Variants in NIN observed in about 807,000 individuals in gnomAD.
The protein encoded by NIN is ninein.
Under a neutral mutation model 257.6 loss-of-function variants are expected in NIN, and 137 were observed. The ratio of observed to expected loss-of-function variants is 0.53; its 90% CI spans 0.46 to 0.61. The LOEUF (loss-of-function observed/expected upper bound fraction) is 0.61, where lower values mean the gene tolerates loss of function less well. Ranked by LOEUF, NIN falls within the 20% of genes least tolerant of loss-of-function variation. NIN has a pLI of 0.00. For missense variants in NIN, 2,439 were observed against 2,501.2 expected (o/e 0.98, Z 0.53); for synonymous variants, 918 against 919.8 (o/e 1.00, Z 0.04).
At chr14:50,808,235 T>C (rs1461580467) in intron 3 of NIN, among the ~76,000 whole-genome samples, 2 of 152,116 alleles carry the variant, frequency 1.3e-5, no homozygotes, top group African/African-American at 4.8e-5. Context: ...CAGCCAAACA[T>C]CCTGGGGGAG....
At chr14:50,726,389 T>C in intron 29 of NIN, 1 of 239,268 alleles carries the variant, frequency 4.2e-6, no homozygotes, top group Non-Finnish European at 8.2e-6. Context: ...CCAAGGTAAC[T>C]TGGAAGATCG....
At chr14:50,748,291 A>G (rs1204553004) in intron 21 of NIN, among the ~76,000 whole-genome samples, 186 bp from the exon 22 acceptor site, 24 of 152,040 alleles carry the variant, frequency 1.6e-4, no homozygotes, top group Admixed American at 1.6e-3. Context: ...CATGCTAAAA[A>G]CTCTCAATAA....
rs1341101007 is a variant in NIN, at chr14:50,792,728, G to A, written c.419C>T (p.Ala140Val). The change falls in exon 5 of 31, where the codon GCC (alanine) becomes GTC (valine). Residue 140 changes from alanine to valine, a missense_variant. Around this residue, in one of 3 missense-constraint regions of NIN, gnomAD observed 387 missense variants for 427.3 expected, o/e 0.91. Coordinates refer to ENST00000530997, the MANE Select transcript of NIN (RefSeq NM_020921.4). ...ATTCCTTACCTCACTGCAGTCACCG[G>A]CTGGGATGTGTGAAGGCCGCGCTTC... ...DEEARPSHIPAGDCSEHWKTQ... is the reference protein window; with the variant it reads ...DEEARPSHIPVGDCSEHWKTQ... The A allele has an allele frequency of 1.2e-6, 2 of 1,614,130 alleles. No homozygotes were observed. The highest frequency in any genetic ancestry group is 1.7e-6 in the Non-Finnish European group (2 of 1,180,024).
At chr14:50,826,505 G>C (rs2045464283) in intron 2 of NIN, among the ~76,000 whole-genome samples, 1 of 152,148 alleles carries the variant, frequency 6.6e-6, no homozygotes, top group South Asian at 2.1e-4. Context: ...CTCTGACAGT[G>C]GTGTTCATTA....
chr14:50,757,211 G>A lies in NIN; in HGVS notation c.3819C>T (p.Tyr1273=), dbSNP rs544307842. The change falls in exon 18 of 31, where the codon TAC becomes TAT. Residue 1273 remains tyrosine (Y), a synonymous_variant. Coordinates refer to ENST00000530997, the MANE Select transcript of NIN (RefSeq NM_020921.4). Reference sequence around the variant, plus strand: ...CTTTGTTATTTTCTAGTGCCTCATCGTAGCGTGTCTCCATCATTCTCAGCT... The same window carrying A: ...CTTTGTTATTTTCTAGTGCCTCATCATAGCGTGTCTCCATCATTCTCAGCT... ...QEELRMMETR[Y]DEALENNKEL... 8.6e-5 allele frequency: 138 copies of A among 1,613,948 alleles called. 1 individual carries two copies. Among genetic ancestry groups the A allele is most frequent in the African/African-American group, 1.6e-4 (12 of 74,966 alleles).
intron 3 of NIN, among the ~76,000 whole-genome samples, chr14:50,807,717 T>C (rs1213899949): frequency 3.9e-5 from 6 of 152,222 alleles, no homozygotes; most frequent in African/African-American, 1.4e-4. Context: ...AGGTGACAGA[T>C]AAACTTCCAA....
rs1017197028 is a variant in NIN, at chr14:50,756,847, C to T, written c.4183G>A (p.Glu1395Lys). ...TTTTCCAAGAGCTGTGTGTTCCCCT[C>T]AAGGTACTGGTTTTCTTGCTTACAT... ...EECKQENQYLEGNTQLLEKVK... is the reference protein window; with the variant it reads ...EECKQENQYLKGNTQLLEKVK... The change falls in exon 18 of 31, where the codon GAG (glutamate) becomes AAG (lysine). Residue 1395 changes from glutamate to lysine, a missense_variant. This residue lies in a region of NIN where 2,043 missense variants were observed against 2,050.2 expected (regional missense o/e 1.00). Coordinates refer to ENST00000530997, the MANE Select transcript of NIN (RefSeq NM_020921.4). The T allele has an allele frequency of 2.6e-6, 4 of 1,551,922 alleles. No homozygotes were observed. The highest frequency in any genetic ancestry group is 4.9e-5 in the East Asian group (2 of 40,922).
intron 3 of NIN, among the ~76,000 whole-genome samples, chr14:50,808,686 C>T (rs2044444012): frequency 6.6e-6 from 1 of 152,188 alleles, no homozygotes; most frequent in African/African-American, 2.4e-5. Context: ...AGTGACAAGT[C>T]CCTGTGCCAC....
intron 3 of NIN, among the ~76,000 whole-genome samples, chr14:50,807,394 A>G (rs2044378745): frequency 6.6e-6 from 1 of 152,242 alleles, no homozygotes; most frequent in African/African-American, 2.4e-5. Context: ...ATTTTCCTGA[A>G]TTCTTAAAAA....
chr14:50,817,005 G>A (rs954489715), intron 3 of NIN, among the ~76,000 whole-genome samples: 2 of 152,140 alleles, frequency 1.3e-5, no homozygotes, highest in African/African-American at 4.8e-5. Flanking sequence ...CTCCTAATCA[G>A]GTCTTCTTGT....
At chr14:50,761,768 T>C (rs1332282002) in intron 16 of NIN, 22 bp downstream of exon 16, 1 of 1,613,378 alleles carries the variant, frequency 6.2e-7, no homozygotes, top group African/African-American at 1.3e-5. Context: ...ATTAGAGAAG[T>C]GGATTGGTGG....
At chr14:50,815,562 G>T (rs1374398791) in intron 3 of NIN, among the ~76,000 whole-genome samples, 1 of 152,148 alleles carries the variant, frequency 6.6e-6, no homozygotes, top group Non-Finnish European at 1.5e-5. Context: ...AGGAATATAA[G>T]TCATTATATT....
chr14:50,786,232 C>T (rs2043341566), intron 5 of NIN, among the ~76,000 whole-genome samples: 1 of 152,210 alleles, frequency 6.6e-6, no homozygotes. Context: ...TCCTGCTCCT[C>T]AGAGCTGCTA....
chr14:50,728,881 T>C (rs976023555), intron 29 of NIN, among the ~76,000 whole-genome samples: 3 of 152,250 alleles, frequency 2.0e-5, no homozygotes, highest in East Asian at 3.8e-4. Context: ...TTATGAACTA[T>C]GTCAACTAGA....
rs1260755428 is a variant in NIN, at chr14:50,721,050, G to C, written c.*2413C>G. ...AATGTCTTTAAAAGGTCTTTTAAAA[G>C]CTATAAGTTCTATTATAAATTGCCA... On this transcript the variant is annotated 3_prime_UTR_variant, in exon 31 of 31. Transcript: ENST00000530997. 2 of 193,300 alleles carry C rather than the reference G, an allele frequency of 1.0e-5. No individual in the cohort carries two copies. The highest frequency in any genetic ancestry group is 4.6e-5 in the African/African-American group (2 of 43,184). 12.0% of individuals were successfully genotyped at this position (193,300 alleles called of 1,614,324 possible).
At chr14:50,783,403 A>G (rs967540238) in intron 5 of NIN, among the ~76,000 whole-genome samples, 1 of 152,110 alleles carries the variant, frequency 6.6e-6, no homozygotes, top group Non-Finnish European at 1.5e-5. Context: ...TATCCCAAGA[A>G]TTCCCCCTAG....
chr14:50,823,640 C>T (rs2045334946), intron 2 of NIN: 1 of 165,660 alleles, frequency 6.0e-6, no homozygotes, highest in Admixed American at 6.3e-5. Flanking sequence ...TAAATGTGAA[C>T]AGCTCTGCCA....
At chr14:50,772,546 G>T in intron 8 of NIN, 78 bp from the exon 9 acceptor site, 15 of 1,271,118 alleles carry the variant, frequency 1.2e-5, no homozygotes, top group South Asian at 2.5e-5. Flanking sequence ...CCCTGACCAC[G>T]ATGGGTAGAA....
intron 7 of NIN, among the ~76,000 whole-genome samples, chr14:50,773,543 G>T (rs1215585594): frequency 2.5e-4 from 38 of 152,170 alleles, no homozygotes; most frequent in Admixed American, 2.5e-3. Flanking sequence ...TTTGAAATTG[G>T]TAGGCTAGCA....
Sources: allele counts gnomAD v4.1 joint callset (sites outside exome capture counted in the v4.1 genomes callset), GRCh38; gene constraint gnomAD v4.1.1; regional missense constraint gnomAD v4.1.1; transcripts MANE v1.5; gene names NCBI Gene and HGNC (gene_info 2026-07-23, HGNC 2026-07-21).